NCAPD2: variants seen among roughly 807,000 people sequenced by gnomAD.
NCAPD2 encodes the protein condensin complex subunit 1.
In NCAPD2, 100 loss-of-function variants were observed where a neutral mutation model predicts 164.5. That is an observed-to-expected ratio of 0.61 (90% CI 0.52 to 0.72). The LOEUF (loss-of-function observed/expected upper bound fraction) is 0.72, where lower values mean the gene tolerates loss of function less well. NCAPD2 is among the 30% of genes least tolerant of loss of function. NCAPD2 has a pLI of 0.00. For missense variants in NCAPD2, 1,560 were observed against 1,749.2 expected, an observed-to-expected ratio of 0.89 and a Z score of 1.93; for synonymous variants, 585 against 642.6, an observed-to-expected ratio of 0.91 and a Z score of 1.36.
intron 6 of NCAPD2, among the ~76,000 whole-genome samples, chr12:6,513,282 T>C (rs1946168309): frequency 2.0e-5 from 3 of 152,192 alleles, no homozygotes; most frequent in Non-Finnish European, 2.9e-5. Flanking sequence ...GGCTCACGCC[T>C]ATAATCCTAG....
At chr12:6,517,566 A>C (rs762481843) in intron 11 of NCAPD2, 30 bp from the exon 12 acceptor site, 1 of 1,614,244 alleles carries the variant, frequency 6.2e-7, no homozygotes, top group South Asian at 1.1e-5. Context: ...TATGTCATTT[A>C]CTGACCCTGC....
chr12:6,511,415 C>G (rs1345071495), intron 6 of NCAPD2, among the ~76,000 whole-genome samples, 163 bp downstream of exon 6: 1 of 152,060 alleles, frequency 6.6e-6, no homozygotes, highest in Non-Finnish European at 1.5e-5. Context: ...TCACTGCAGC[C>G]TCTACCTCCT....
At chr12:6,509,157 G>A (rs1367648636) in intron 2 of NCAPD2, among the ~76,000 whole-genome samples, 1 of 152,142 alleles carries the variant, frequency 6.6e-6, no homozygotes, top group South Asian at 2.1e-4. Flanking sequence ...CTACTCTAAG[G>A]TGTAAAGTAG....
At chr12:6,498,853 C>T (rs765301496) in intron 2 of NCAPD2, among the ~76,000 whole-genome samples, 15 of 152,156 alleles carry the variant, frequency 9.9e-5, no homozygotes, top group Non-Finnish European at 1.5e-4. Flanking sequence ...ATCTGCCCAC[C>T]TCGGCCTCCC....
chr12:6,501,182 A>G (rs964413088), intron 2 of NCAPD2, among the ~76,000 whole-genome samples: 2 of 139,170 alleles, frequency 1.4e-5, no homozygotes, highest in Admixed American at 7.7e-5. Context: ...TGCCTCAGCC[A>G]CCTGAGTATC....
Position 6,527,781 on chromosome 12 carries a change from C to G in NCAPD2, c.2912C>G (p.Thr971Arg), listed in dbSNP as rs750520878. 1.9e-6 allele frequency: 3 copies of G among 1,609,934 alleles called. No individual in the cohort carries two copies. Among genetic ancestry groups the G allele is most frequent in the Non-Finnish European group, 2.5e-6 (3 of 1,176,866 alleles). ...HKTKDPKEKN[T>R]SSETTMEEEL... Reference sequence around the variant, plus strand: ...CCCCAATTTCATTCCCTTTAGAATACGAGCTCTGAGACCACCATGGAGGAG... The same window carrying G: ...CCCCAATTTCATTCCCTTTAGAATAGGAGCTCTGAGACCACCATGGAGGAG... The change falls in exon 23 of 32, where the codon ACG becomes AGG. Residue 971 changes from threonine (T) to arginine (R), a missense_variant. Thr to Arg is a moderately conservative substitution (Grantham distance 71). Coordinates refer to ENST00000315579, the MANE Select transcript of NCAPD2 (RefSeq NM_014865.4).
chr12:6,529,622 T>C, intron 28 of NCAPD2, 29 bp downstream of exon 28: 2 of 1,613,034 alleles, frequency 1.2e-6, no homozygotes, highest in Non-Finnish European at 1.7e-6. Flanking sequence ...GGGTTCTTTG[T>C]GCTGAGCGGG....
At position 6,511,176 on chromosome 12, in the gene NCAPD2, C is replaced by A. The variant is rs781594197; in HGVS notation, c.511C>A (p.Gln171Lys). The A allele has an allele frequency of 1.1e-5, 17 of 1,614,084 alleles. No homozygotes were observed. Among genetic ancestry groups the A allele is most frequent in the Non-Finnish European group, 1.4e-5 (17 of 1,180,028 alleles). Residue 171 changes from glutamine to lysine, a missense_variant, in exon 6 of 32, where the codon CAG becomes AAG. Coordinates refer to ENST00000315579, the MANE Select transcript of NCAPD2 (RefSeq NM_014865.4). ...GGAAGAAGAGAGGCAACCAATTCTT[C>A]AGCTTTTAACACAGCTACTTCAGTT... ...DWEEERQPIL[Q>K]LLTQLLQLDI... is the part of the protein sequence containing the mutation.
intron 2 of NCAPD2, among the ~76,000 whole-genome samples, chr12:6,502,509 A>G (rs980712537): frequency 5.3e-5 from 8 of 152,314 alleles, no homozygotes; most frequent in African/African-American, 1.9e-4. Flanking sequence ...TTCTCAGGCC[A>G]TTTTTATTTG....
rs532322862 is a variant in NCAPD2 at position 6,502,668 on chromosome 12, G to T, written c.128-7049G>T. Among the ~76,000 whole-genome samples the T allele has an allele frequency of 1.1e-4, 16 of 152,016 alleles. 1 individual carries two copies. The East Asian group carries it at 2.7e-3, about 26-fold the overall frequency. ...GAATAGTAAATTAAGATAGATATAA[G>T]GCCGAGTGTGGTGGCACTGCCTGTA... On this transcript the variant is annotated intron_variant, in intron 2 of 31. Transcript: ENST00000315579.
In NCAPD2 at chr12:6,516,849, G is replaced by T. The variant is rs143795587; in HGVS notation, c.1009G>T (p.Val337Leu). The T allele has an allele frequency of 1.9e-6, 3 of 1,614,156 alleles. No homozygotes were observed. The African/African-American group carries it at 4.0e-5, about 22-fold the overall frequency. The change falls in exon 10 of 32, where the codon GTG becomes TTG. Residue 337 changes from valine (V) to leucine (L), a missense_variant. Transcript: ENST00000315579. ...DGENYMMRNA[V>L]LAAMAEMVLQ... ...TTAGAATTACATGATGCGTAATGCTGTGCTGGCAGCCATGGCGGAGATGGT... is the reference window on the plus strand; with the variant it reads ...TTAGAATTACATGATGCGTAATGCTTTGCTGGCAGCCATGGCGGAGATGGT...
chr12:6,524,067 C>G (rs1946293003), intron 17 of NCAPD2, among the ~76,000 whole-genome samples: 1 of 152,150 alleles, frequency 6.6e-6, no homozygotes, highest in African/African-American at 2.4e-5. Flanking sequence ...CTGGTTACAG[C>G]TAGTTAGTGG....
intron 2 of NCAPD2, among the ~76,000 whole-genome samples, chr12:6,504,432 G>C (rs941858698): frequency 2.6e-5 from 4 of 151,676 alleles, no homozygotes; most frequent in African/African-American, 9.7e-5. Context: ...TTGCTCTGTG[G>C]CCCAGGATGG....
At position 6,522,043 on chromosome 12, in the gene NCAPD2, C is replaced by T. The variant is rs1227187987; in HGVS notation, c.1954+6C>T. 1.2e-6 allele frequency: 2 copies of T among 1,612,592 alleles called. No homozygotes were observed. Among genetic ancestry groups the T allele is most frequent in the Non-Finnish European group, 1.7e-6 (2 of 1,178,776 alleles). On this transcript the variant is annotated splice_donor_region_variant and intron_variant, in intron 15 of 31. Coordinates refer to ENST00000315579, the MANE Select transcript of NCAPD2 (RefSeq NM_014865.4). Reference sequence around the variant, plus strand: ...GTATGAAAACACAACTACAGGTATGCCAGAGTCCCTTTCTATAAGGACAGC... The same window carrying T: ...GTATGAAAACACAACTACAGGTATGTCAGAGTCCCTTTCTATAAGGACAGC...
chr12:6,524,818 G>A (rs922225910), intron 17 of NCAPD2, among the ~76,000 whole-genome samples: 7 of 152,242 alleles, frequency 4.6e-5, no homozygotes, highest in African/African-American at 1.2e-4. Context: ...TTTGCATTGC[G>A]GGCACAGAGA....
chr12:6,507,275 A>C (rs991786594), intron 2 of NCAPD2, among the ~76,000 whole-genome samples: 5 of 152,214 alleles, frequency 3.3e-5, no homozygotes, highest in Admixed American at 3.3e-4. Flanking sequence ...AGCCCATCTC[A>C]TGATACAAGA....
chr12:6,507,511 A>G (rs1592167817), intron 2 of NCAPD2, among the ~76,000 whole-genome samples: 1 of 152,214 alleles, frequency 6.6e-6, no homozygotes, highest in East Asian at 1.9e-4. Flanking sequence ...TTTATTCCTG[A>G]CGCAAGTCCT....
chr12:6,507,681 A>G (rs1252750401), intron 2 of NCAPD2, among the ~76,000 whole-genome samples: 2 of 152,208 alleles, frequency 1.3e-5, no homozygotes, highest in Admixed American at 1.3e-4. Flanking sequence ...TTCTTTCCAA[A>G]TAAGGGAAGG....
intron 2 of NCAPD2, among the ~76,000 whole-genome samples, chr12:6,501,297 G>A (rs1321029662): frequency 5.2e-5 from 7 of 135,850 alleles, no homozygotes; most frequent in Non-Finnish European, 1.1e-4. Context: ...CTGGAGTGCA[G>A]TGGCACCATC....
Sources: allele counts gnomAD v4.1 joint callset (sites outside exome capture counted in the v4.1 genomes callset), GRCh38; gene constraint gnomAD v4.1.1; transcripts MANE v1.5; gene names NCBI Gene and HGNC (gene_info 2026-07-23, HGNC 2026-07-21).